Variants in TRIO observed in about 807,000 individuals in gnomAD.
The protein encoded by TRIO is trio Rho guanine nucleotide exchange factor, also known as triple functional domain protein.
A neutral mutation model predicts 351.9 loss-of-function variants in TRIO; 58 were observed. The ratio of observed to expected loss-of-function variants is 0.16; its 90% CI spans 0.13 to 0.21. The LOEUF (loss-of-function observed/expected upper bound fraction) is 0.21. Among genes scored for constraint, TRIO ranks in the 10% least tolerant of loss-of-function variants. The pLI, the probability that TRIO is intolerant of heterozygous loss-of-function variation, is 1.00. For missense variants in TRIO, 3,201 were observed against 4,027.8 expected, an observed-to-expected ratio of 0.79 and a Z score of 5.56; for synonymous variants, 1,758 against 1,595.7, an observed-to-expected ratio of 1.10 and a Z score of -2.42.
chr5:14,290,246 G>GC (rs1305080303), intron 4 of TRIO, among the ~76,000 whole-genome samples: 1 of 152,212 alleles, frequency 6.6e-6, no homozygotes, highest in Admixed American at 6.5e-5. Flanking sequence ...ATGCCCTTGA[G>GC]CAAGACGTTT....
At position 14,359,388 on chromosome 5, in the gene TRIO, C is replaced by T; in HGVS notation, c.2248C>T (p.His750Tyr). 1 of 1,614,174 alleles carries T rather than the reference C, an allele frequency of 6.2e-7. No homozygotes were observed. Among genetic ancestry groups the T allele is most frequent in the Non-Finnish European group, 8.5e-7 (1 of 1,179,982 alleles). ...DSAISSNKTPHNSSINHIETV... is the reference protein window; with the variant it reads ...DSAISSNKTPYNSSINHIETV... ...TGCCATCTCCAGTAACAAGACCCCC[C>T]ACAACAGCTCCATCAACCACATTGA... The change falls in exon 13 of 57, where the codon CAC (histidine) becomes TAC (tyrosine). Residue 750 changes from histidine (H) to tyrosine (Y), a missense_variant. Physicochemically the swap from His to Tyr is moderately conservative, Grantham distance 83. This residue lies in a region of TRIO where 363 missense variants were observed against 553.5 expected (regional missense o/e 0.66). Transcript: ENST00000344204.
rs149057194 is a variant in TRIO, at chr5:14,406,624, G to A, written c.4911G>A (p.Thr1637=). The A allele has an allele frequency of 2.7e-5, 44 of 1,614,102 alleles. No homozygotes were observed. The East Asian group carries it at 4.2e-4, about 16-fold the overall frequency. The change falls in exon 33 of 57, where the codon ACG becomes ACA. Residue 1637 remains threonine, a synonymous_variant. Transcript: ENST00000344204. ...GAGACGGCAGCAGCCAGCCTGATAC[G>A]ATTTCCATCGCCTCACGGACGTCTC... ...SQGDGSSQPD[T]ISIASRTSQN... is the part of the protein sequence containing the mutation.
intron 1 of TRIO, among the ~76,000 whole-genome samples, chr5:14,191,534 T>TAA (rs35519870): frequency 0.04 from 5,392 of 135,178 alleles, 354 homozygotes; most frequent in African/African-American, 0.14. Flanking sequence ...CCTGTTTCTT[T>TAA]AAAAAAAAAA....
Position 14,336,689 on chromosome 5 carries a change from C to T in TRIO, c.2008C>T (p.Leu670=), listed in dbSNP as rs781468023. ...GCGTGTTGAGCAGCGAAAGATCCTA[C>T]TGGACATGTCAGTGTCCTTTCACAC... The part of the protein sequence containing the change: ...VRRVEQRKIL[L]DMSVSFHTHV... Residue 670 remains leucine (L), a synonymous_variant, in exon 11 of 57, where the codon CTG becomes TTG. Transcript: ENST00000344204. 2 of 1,614,242 alleles carry T rather than the reference C, an allele frequency of 1.2e-6. No individual in the cohort carries two copies. Among genetic ancestry groups the T allele is most frequent in the Non-Finnish European group, 1.7e-6 (2 of 1,180,054 alleles).
intron 1 of TRIO, among the ~76,000 whole-genome samples, chr5:14,199,160 C>G (rs1408341076): frequency 7.6e-6 from 1 of 131,458 alleles, no homozygotes; most frequent in Admixed American, 9.0e-5. Context: ...TTGTTTGAAC[C>G]TGCTGCATTC....
chr5:14,228,264 C>A (rs1793172338), intron 1 of TRIO, among the ~76,000 whole-genome samples: 1 of 152,168 alleles, frequency 6.6e-6, no homozygotes, highest in Non-Finnish European at 1.5e-5. Context: ...TTATGGGGCA[C>A]AGAATGGACA....
chr5:14,398,005 C>G (rs2152372789), intron 29 of TRIO, among the ~76,000 whole-genome samples: 1 of 152,248 alleles, frequency 6.6e-6, no homozygotes, highest in Non-Finnish European at 1.5e-5. Flanking sequence ...GGAAGAAAGT[C>G]AGGGAGGAAA....
intron 13 of TRIO, among the ~76,000 whole-genome samples, chr5:14,360,393 TC>T (rs1744042319): frequency 6.6e-6 from 1 of 152,138 alleles, no homozygotes; most frequent in Non-Finnish European, 1.5e-5. Flanking sequence ...GAGCCTAAGC[TC>T]CCCTCAGTGG....
intron 46 of TRIO, among the ~76,000 whole-genome samples, chr5:14,483,930 C>T (rs1012849883): frequency 1.3e-5 from 2 of 151,998 alleles, no homozygotes; most frequent in African/African-American, 4.8e-5. Context: ...AACTGTGCAC[C>T]CATACGCTGA....
intron 1 of TRIO, among the ~76,000 whole-genome samples, chr5:14,243,339 T>A (rs1195631340): frequency 6.6e-6 from 1 of 152,134 alleles, no homozygotes; most frequent in East Asian, 1.9e-4. Context: ...TAAGTTAGAT[T>A]TAAATTTGAT....
At chr5:14,189,261 A>G (rs1790317678) in intron 1 of TRIO, among the ~76,000 whole-genome samples, 1 of 152,320 alleles carries the variant, frequency 6.6e-6, no homozygotes, top group Admixed American at 6.5e-5. Flanking sequence ...GCATCTGTCC[A>G]CTTTTGAATA....
chr5:14,233,485 CTG>C (rs756327142), intron 1 of TRIO, among the ~76,000 whole-genome samples: 52 of 151,788 alleles, frequency 3.4e-4, no homozygotes, highest in Non-Finnish European at 5.6e-4. Flanking sequence ...ATGAGACTCT[CTG>C]TCAAAAGAAA....
intron 1 of TRIO, among the ~76,000 whole-genome samples, chr5:14,182,046 A>G (rs1789804042): frequency 6.6e-6 from 1 of 152,096 alleles, no homozygotes; most frequent in Non-Finnish European, 1.5e-5. Context: ...CCCACATATC[A>G]TTGAATTTCA....
chr5:14,476,791 C>CTCA, intron 40 of TRIO, 103 bp from the exon 41 acceptor site: 1 of 834,346 alleles, frequency 1.2e-6, no homozygotes, highest in Non-Finnish European at 1.7e-6. Flanking sequence ...GACACTCTCT[C>CTCA]AAAAAAAAAA....
chr5:14,505,690 G>A (rs2126713758), intron 55 of TRIO, among the ~76,000 whole-genome samples: 1 of 152,236 alleles, frequency 6.6e-6, no homozygotes, highest in South Asian at 2.1e-4. Context: ...GTCCCACATG[G>A]CCCCACATGC....
intron 33 of TRIO, among the ~76,000 whole-genome samples, chr5:14,417,979 C>G (rs1484675725): frequency 1.3e-5 from 2 of 152,154 alleles, no homozygotes; most frequent in Non-Finnish European, 2.9e-5. Context: ...CCAGCCCCAT[C>G]TCCGCCCTCC....
chr5:14,496,970 G>C lies in TRIO; in HGVS notation c.7972G>C (p.Gly2658Arg). The change falls in exon 50 of 57, where the codon GGT (glycine) becomes CGT (arginine). Residue 2658 changes from glycine (G) to arginine (R), a missense_variant. Around this residue, in one of 19 missense-constraint regions of TRIO, gnomAD observed 1,089 missense variants for 954.9 expected, o/e 1.14. Transcript: ENST00000344204. ...CAAAAGGGAAGGCAAGTTAGAGAAC[G>C]GTTATCGGAAGTCACGGGAAGGACT... ...DGKREGKLEN[G>R]YRKSREGLSN... is the part of the protein sequence containing the mutation. 6.2e-7 allele frequency: 1 copy of C among 1,614,192 alleles called. No individual in the cohort carries two copies. Among genetic ancestry groups the C allele is most frequent in the Non-Finnish European group, 8.5e-7 (1 of 1,180,040 alleles).
intron 33 of TRIO, among the ~76,000 whole-genome samples, chr5:14,410,780 G>A (rs1348027170): frequency 6.6e-6 from 1 of 152,152 alleles, no homozygotes; most frequent in Non-Finnish European, 1.5e-5. Flanking sequence ...TCTGAAGGAG[G>A]GACCCTGGAG....
intron 38 of TRIO, among the ~76,000 whole-genome samples, chr5:14,471,911 G>T (rs706281): frequency 0.16 from 24,246 of 151,306 alleles, 1,993 homozygotes; most frequent in Middle Eastern, 0.27. Context: ...ACTTGCCTTT[G>T]GAGAAGGAAA....
Sources: gnomAD v4.1 joint callset for allele counts (sites outside exome capture counted in the v4.1 genomes callset) on GRCh38, gnomAD v4.1.1 for gene constraint, gnomAD v4.1.1 regional missense constraint, MANE v1.5 for transcripts, NCBI Gene and HGNC (gene_info 2026-07-23, HGNC 2026-07-21) for gene names.